ENTPD1: variants seen among roughly 807,000 people sequenced by gnomAD.
ENTPD1 encodes the protein ectonucleoside triphosphate diphosphohydrolase 1.
ENTPD1 carries 33 observed loss-of-function variants against 57.0 expected under a neutral mutation model. The observed-to-expected ratio is 0.58, with a 90% confidence interval of 0.44 to 0.77. The LOEUF (loss-of-function observed/expected upper bound fraction) is 0.77. Ranked by LOEUF, ENTPD1 falls within the 30% of genes least tolerant of loss-of-function variation. The pLI, the probability that ENTPD1 is intolerant of heterozygous loss-of-function variation, is 0.00. For missense variants in ENTPD1, 501 were observed against 603.4 expected (o/e 0.83, Z 1.78); for synonymous variants, 202 against 218.8 (o/e 0.92, Z 0.68).
intron 1 of ENTPD1, among the ~76,000 whole-genome samples, chr10:95,798,116 G>A (rs2098234034): frequency 1.3e-5 from 2 of 152,152 alleles, no homozygotes; most frequent in Non-Finnish European, 2.9e-5. Context: ...AAAACCTGGT[G>A]TCATGGGAGC....
intron 1 of ENTPD1, among the ~76,000 whole-genome samples, chr10:95,726,100 T>G (rs1023032862): frequency 3.9e-5 from 6 of 152,196 alleles, no homozygotes; most frequent in Non-Finnish European, 7.3e-5. Context: ...TTACCCAAAG[T>G]TTTGGAGACT....
chr10:95,756,278 C>T (rs762171142), intron 1 of ENTPD1, 23 bp downstream of exon 1: 1 of 1,575,570 alleles, frequency 6.3e-7, no homozygotes, highest in Non-Finnish European at 8.6e-7. Flanking sequence ...TTGATTTGAT[C>T]TGAATCCTTA....
the ENTPD1 span, among the ~76,000 whole-genome samples, chr10:95,694,614 T>TA: frequency 4.6e-5 from 7 of 151,576 alleles, no homozygotes; most frequent in Non-Finnish European, 1.0e-4. Flanking sequence ...AGAGAAAGAA[T>TA]AAAAAAAAGA....
chr10:95,711,353 T>TA (rs2097965439), upstream of ENTPD1, among the ~76,000 whole-genome samples: 1 of 152,240 alleles, frequency 6.6e-6, no homozygotes, highest in African/African-American at 2.4e-5. Flanking sequence ...AGAATCTAGA[T>TA]AGACAGCATT....
chr10:95,702,428 ATTAT>A, the ENTPD1 span, among the ~76,000 whole-genome samples: 1 of 152,124 alleles, frequency 6.6e-6, no homozygotes, highest in South Asian at 2.1e-4. Flanking sequence ...GAAAAACTAG[ATTAT>A]TTGTTAAGAT....
In ENTPD1 at chr10:95,870,687, C is replaced by T. The variant is rs1022637144; in HGVS notation, c.*4304C>T. On this transcript the variant is annotated 3_prime_UTR_variant, in exon 10 of 10. Transcript: ENST00000371205. ...AGTTTAAAAGATGAACTGAGTTTCA[C>T]CCAAACTGGTCTGGCCCCTCTCTGA... 3.0e-6 allele frequency: 3 copies of T among 985,304 alleles called. No homozygotes were observed. The highest frequency in any genetic ancestry group is 9.4e-5 in the South Asian group (2 of 21,296). The allele number at this position is 985,304 out of a possible 1,614,324, so 61.0% of individuals were successfully genotyped here. A position where few individuals can be genotyped will look rare whatever the true frequency, so the allele number is the denominator to read the frequency against.
At chr10:95,695,039 G>A in the ENTPD1 span, among the ~76,000 whole-genome samples, 1 of 151,220 alleles carries the variant, frequency 6.6e-6, no homozygotes, top group Admixed American at 6.6e-5. Context: ...TAGCTGGGAT[G>A]ACAGGCACGC....
chr10:95,842,617 C>T, intron 4 of ENTPD1, 123 bp downstream of exon 4: 3 of 1,088,070 alleles, frequency 2.8e-6, no homozygotes, highest in Non-Finnish European at 1.3e-6. Context: ...CAAGTCCATA[C>T]TTAAGAAAGG....
At chr10:95,763,330 G>A (rs1230894694) in intron 1 of ENTPD1, among the ~76,000 whole-genome samples, 1 of 152,034 alleles carries the variant, frequency 6.6e-6, no homozygotes, top group African/African-American at 2.4e-5. Flanking sequence ...TTTATTCTCT[G>A]TAGCCCAGAA....
chr10:95,774,626 A>G (rs1173877995), intron 1 of ENTPD1, among the ~76,000 whole-genome samples: 1 of 152,214 alleles, frequency 6.6e-6, no homozygotes, highest in African/African-American at 2.4e-5. Flanking sequence ...GGTTTGTCAA[A>G]GATCAGATGG....
upstream of ENTPD1, among the ~76,000 whole-genome samples, chr10:95,751,714 CA>C (rs57785453): frequency 1.4e-3 from 175 of 123,902 alleles, no homozygotes; most frequent in Middle Eastern, 5.0e-3. Context: ...GACATCGTCT[CA>C]AAAAAAAAAA....
intron 8 of ENTPD1, 52 bp from the exon 9 acceptor site, chr10:95,864,670 CCA>C (rs2098470976): frequency 6.2e-7 from 1 of 1,611,120 alleles, no homozygotes; most frequent in Non-Finnish European, 8.5e-7. Flanking sequence ...AAAAAGAGGG[CCA>C]CAGAGAGGTG....
chr10:95,712,795 G>A (rs967212996), intron 1 of ENTPD1, among the ~76,000 whole-genome samples: 1 of 152,184 alleles, frequency 6.6e-6, no homozygotes, highest in Non-Finnish European at 1.5e-5. Flanking sequence ...AGCACTTTGG[G>A]AGGCCAAGGT....
At chr10:95,776,901 A>G (rs537607669) in intron 1 of ENTPD1, among the ~76,000 whole-genome samples, 86 of 152,236 alleles carry the variant, frequency 5.6e-4, no homozygotes, top group African/African-American at 1.9e-3. Flanking sequence ...CATCACTGAT[A>G]CCCTTTCTTC....
At chr10:95,741,010 C>A (rs1348269942) in intron 1 of ENTPD1, among the ~76,000 whole-genome samples, 1 of 152,126 alleles carries the variant, frequency 6.6e-6, no homozygotes, top group African/African-American at 2.4e-5. Context: ...TCTTTCTTAT[C>A]ATTTGTGTGT....
At chr10:95,742,405 G>T (rs2098001317) in intron 1 of ENTPD1, among the ~76,000 whole-genome samples, 1 of 151,804 alleles carries the variant, frequency 6.6e-6, no homozygotes, top group Non-Finnish European at 1.5e-5. Context: ...ACCAGCAGTC[G>T]CTACTCCTTC....
At chr10:95,772,990 G>A (rs939021781) in intron 1 of ENTPD1, among the ~76,000 whole-genome samples, 3 of 152,172 alleles carry the variant, frequency 2.0e-5, no homozygotes, top group Non-Finnish European at 2.9e-5. Flanking sequence ...GGCATCTGGC[G>A]AGGGTTTCAG....
chr10:95,744,110 CTAACGT>C (rs1482544853), intron 1 of ENTPD1, among the ~76,000 whole-genome samples: 1 of 149,284 alleles, frequency 6.7e-6, no homozygotes, highest in Non-Finnish European at 1.5e-5. Flanking sequence ...ACTGATGTCT[CTAACGT>C]TAATCCATTA....
rs886767868 is a variant in ENTPD1 at position 95,782,400 on chromosome 10, C to A, written c.16+26145C>A. Reference sequence around the variant, plus strand: ...ACATTGTCAAACTGGGTAGGTATGTCCAGAATGAGGAAGGATGCAGAGACT... The same window carrying A: ...ACATTGTCAAACTGGGTAGGTATGTACAGAATGAGGAAGGATGCAGAGACT... On this transcript the variant is annotated intron_variant, in intron 1 of 9. Coordinates refer to ENST00000371205, the MANE Select transcript of ENTPD1 (RefSeq NM_001776.6). Among the ~76,000 whole-genome samples, 3 of 151,922 alleles carry A rather than the reference C, an allele frequency of 2.0e-5. No individual in the cohort carries two copies. The South Asian group carries it at 6.2e-4, about 32-fold the overall frequency.
Sources: gnomAD v4.1 joint callset for allele counts (sites outside exome capture counted in the v4.1 genomes callset) on GRCh38, gnomAD v4.1.1 for gene constraint, MANE v1.5 for transcripts, NCBI Gene and HGNC (gene_info 2026-07-23, HGNC 2026-07-21) for gene names.